The following LRRC37A2 variants were observed in gnomAD, a reference collection of about 807,000 sequenced individuals.
LRRC37A2 encodes leucine-rich repeat-containing protein 37A2.
LRRC37A2 carries 9 observed loss-of-function variants against 68.8 expected under a neutral mutation model. The observed-to-expected ratio is 0.13, with a 90% confidence interval of 0.08 to 0.23. The LOEUF (loss-of-function observed/expected upper bound fraction) is 0.23, where lower values mean the gene tolerates loss of function less well. Ranked by LOEUF, LRRC37A2 falls within the 10% of genes least tolerant of loss-of-function variation. LRRC37A2 has a pLI of 1.00. For synonymous variants in LRRC37A2, 63 were observed against 367.6 expected (o/e 0.17, Z 9.48); for missense variants, 168 against 950.4 (o/e 0.18, Z 10.82).
chr17:46,761,684 G>A, the LRRC37A2 span, among the ~76,000 whole-genome samples: 1 of 152,036 alleles, frequency 6.6e-6, no homozygotes, highest in African/African-American at 2.4e-5. Context: ...TCCTAAATGA[G>A]GTAGGTCAGG....
chr17:46,934,620 G>A, the LRRC37A2 span, among the ~76,000 whole-genome samples: 3 of 152,208 alleles, frequency 2.0e-5, no homozygotes, highest in East Asian at 5.8e-4. Context: ...TAAAGGACAC[G>A]AGCAAACATT....
the LRRC37A2 span, among the ~76,000 whole-genome samples, chr17:46,972,619 C>T: frequency 1.3e-5 from 2 of 152,234 alleles, no homozygotes; most frequent in South Asian, 4.1e-4. Context: ...CATACAGGTT[C>T]CATGTCCCGG....
At chr17:46,975,715 C>A in the LRRC37A2 span, among the ~76,000 whole-genome samples, 1 of 152,132 alleles carries the variant, frequency 6.6e-6, no homozygotes, top group Non-Finnish European at 1.5e-5. Context: ...CCCACGTGTG[C>A]AGACTTGTAC....
the LRRC37A2 span, among the ~76,000 whole-genome samples, chr17:46,775,316 T>TC: frequency 5.9e-5 from 9 of 152,266 alleles, no homozygotes; most frequent in East Asian, 1.9e-4. Flanking sequence ...CCATGTGCCT[T>TC]CCCCCGGGTC....
chr17:46,935,497 T>C, the LRRC37A2 span: 1 of 1,338,720 alleles, frequency 7.5e-7, no homozygotes, highest in East Asian at 2.9e-5. Context: ...CAGAATCTAC[T>C]CTTGGAAGAA....
chr17:46,714,617 C>G, the LRRC37A2 span, among the ~76,000 whole-genome samples: 1 of 152,194 alleles, frequency 6.6e-6, no homozygotes, highest in Non-Finnish European at 1.5e-5. Context: ...ATCTCTCTTA[C>G]ATTCAAGCAA....
chr17:47,019,695 A>G, the LRRC37A2 span: 2 of 1,286,322 alleles, frequency 1.6e-6, no homozygotes, highest in African/African-American at 1.5e-5. Flanking sequence ...TGAGCTCTGT[A>G]CCTGCGGAGA....
the LRRC37A2 span, among the ~76,000 whole-genome samples, chr17:46,999,867 C>T: frequency 4.7e-5 from 7 of 150,308 alleles, no homozygotes; most frequent in African/African-American, 1.2e-4. Context: ...GGTGTGGTGG[C>T]GTGTGTCTGT....
the LRRC37A2 span, among the ~76,000 whole-genome samples, chr17:46,725,883 C>T: frequency 6.6e-6 from 1 of 152,202 alleles, no homozygotes; most frequent in Non-Finnish European, 1.5e-5. Context: ...TTGAGTACTT[C>T]TATTCAACTT....
At chr17:46,708,822 ATT>A in the LRRC37A2 span, among the ~76,000 whole-genome samples, 60 of 108,826 alleles carry the variant, frequency 5.5e-4, no homozygotes, top group East Asian at 6.3e-3. Flanking sequence ...ATATATATAT[ATT>A]TTTTTTTTTT....
the LRRC37A2 span, among the ~76,000 whole-genome samples, chr17:46,741,670 C>T: frequency 1.9e-3 from 282 of 152,268 alleles, 2 homozygotes; most frequent in African/African-American, 6.3e-3. Context: ...ATTCCTCTCC[C>T]TTCACTTGTC....
chr17:46,729,220 T>G, the LRRC37A2 span, among the ~76,000 whole-genome samples: 2 of 152,134 alleles, frequency 1.3e-5, no homozygotes, highest in African/African-American at 4.8e-5. Flanking sequence ...ATATTACATA[T>G]CCCTACTACC....
the LRRC37A2 span, among the ~76,000 whole-genome samples, chr17:46,712,531 G>C: frequency 6.6e-6 from 1 of 152,348 alleles, no homozygotes; most frequent in Admixed American, 6.5e-5. Flanking sequence ...CTGGAAGAAA[G>C]ATGATGAGTT....
chr17:46,739,191 G>A, the LRRC37A2 span, among the ~76,000 whole-genome samples: 2 of 151,928 alleles, frequency 1.3e-5, no homozygotes, highest in East Asian at 3.9e-4. Context: ...CCAGTATGGT[G>A]AAACCCCCGC....
chr17:46,897,515 G>A, the LRRC37A2 span, among the ~76,000 whole-genome samples: 6 of 152,146 alleles, frequency 3.9e-5, no homozygotes, highest in South Asian at 1.2e-3. Context: ...CCAGTATTGG[G>A]GGCCATAGAG....
chr17:46,979,085 C>T, the LRRC37A2 span: 5 of 1,277,142 alleles, frequency 3.9e-6, no homozygotes, highest in Non-Finnish European at 5.0e-6. Flanking sequence ...CTCTCAGGGA[C>T]GCTCCGGACC....
the LRRC37A2 span, among the ~76,000 whole-genome samples, chr17:46,988,904 A>C: frequency 2.0e-5 from 3 of 152,214 alleles, no homozygotes; most frequent in Non-Finnish European, 2.9e-5. Context: ...CTGGAGAGGA[A>C]GACAAGTAAA....
chr17:47,040,349 TC>T, the LRRC37A2 span, among the ~76,000 whole-genome samples: 1 of 151,360 alleles, frequency 6.6e-6, no homozygotes, highest in African/African-American at 2.4e-5. Flanking sequence ...TGCTTATTTC[TC>T]CCCCCACCAA....
At chr17:46,541,293 C>T (rs1267438123) in intron 8 of LRRC37A2, among the ~76,000 whole-genome samples, 3 of 150,352 alleles carry the variant, frequency 2.0e-5, no homozygotes, top group Non-Finnish European at 4.4e-5. Context: ...ACTCTGTCGC[C>T]CAGGCTGCAG....
Sources: allele counts gnomAD v4.1 joint callset (sites outside exome capture counted in the v4.1 genomes callset), GRCh38; gene constraint gnomAD v4.1.1; transcripts MANE v1.5; gene names NCBI Gene and HGNC (gene_info 2026-07-23, HGNC 2026-07-21).